DNAH14: variants seen among roughly 807,000 people sequenced by gnomAD.
DNAH14 encodes the protein dynein axonemal heavy chain 14.
A neutral mutation model predicts 520.9 loss-of-function variants in DNAH14; 478 were observed. The observed-to-expected ratio is 0.92, with a 90% CI of 0.85 to 0.99. DNAH14 has a LOEUF of 0.99. DNAH14 is among the 50% of genes least tolerant of loss of function. The pLI is 0.00. For synonymous variants in DNAH14, 1,581 were observed against 1,757.2 expected (o/e 0.90, Z 2.51); for missense variants, 4,831 against 5,234.5 (o/e 0.92, Z 2.38).
At chr1:225,164,202 G>A (rs1456310272) in intron 35 of DNAH14, among the ~76,000 whole-genome samples, 1 of 152,002 alleles carries the variant, frequency 6.6e-6, no homozygotes, top group African/African-American at 2.4e-5. Flanking sequence ...ATACTTTAAA[G>A]TTGTAAGTTA....
At chr1:225,251,176 A>T (rs1230512498) in intron 43 of DNAH14, among the ~76,000 whole-genome samples, 1 of 140,742 alleles carries the variant, frequency 7.1e-6, no homozygotes, top group South Asian at 2.4e-4. Flanking sequence ...AAAACTATAA[A>T]CTTTTTTTTT....
chr1:225,246,105 C>CAAAA (rs140007042), intron 43 of DNAH14, among the ~76,000 whole-genome samples: 24 of 77,714 alleles, frequency 3.1e-4, no homozygotes, highest in African/African-American at 1.1e-3. Flanking sequence ...ACAAACCTGG[C>CAAAA]AAAAAAAAAA....
At chr1:225,312,181 C>T (rs955108255) in intron 60 of DNAH14, among the ~76,000 whole-genome samples, 1 of 151,980 alleles carries the variant, frequency 6.6e-6, no homozygotes, top group Non-Finnish European at 1.5e-5. Flanking sequence ...AAGTTGTATT[C>T]CTAGGTATTT....
At chr1:225,112,675 CT>C (rs1293588025) in intron 23 of DNAH14, among the ~76,000 whole-genome samples, 4 of 151,694 alleles carry the variant, frequency 2.6e-5, no homozygotes, top group Non-Finnish European at 4.4e-5. Context: ...CTTTTTTATT[CT>C]TTTTTTCTGA....
intron 29 of DNAH14, among the ~76,000 whole-genome samples, chr1:225,144,964 A>C (rs1285065157): frequency 1.3e-5 from 2 of 152,082 alleles, no homozygotes; most frequent in Non-Finnish European, 2.9e-5. Flanking sequence ...AGACCGAAAG[A>C]GAGGGACAGA....
intron 36 of DNAH14, among the ~76,000 whole-genome samples, chr1:225,182,867 A>T (rs1004611939): frequency 2.0e-5 from 3 of 152,200 alleles, no homozygotes; most frequent in Non-Finnish European, 4.4e-5. Flanking sequence ...ATGGCTGACT[A>T]AAGTGGGCTC....
chr1:225,049,771 T>TA (rs2068345391), intron 15 of DNAH14, among the ~76,000 whole-genome samples: 2 of 115,914 alleles, frequency 1.7e-5, no homozygotes, highest in South Asian at 5.7e-4. Flanking sequence ...TCTATCTATC[T>TA]ACCTATCTAT....
intron 37 of DNAH14, among the ~76,000 whole-genome samples, chr1:225,192,338 A>T (rs914863014): frequency 7.2e-5 from 11 of 152,110 alleles, no homozygotes; most frequent in African/African-American, 2.7e-4. Context: ...TTCAGTGTCA[A>T]TTCTGACCTT....
intron 7 of DNAH14, 118 bp from the exon 8 acceptor site, chr1:224,973,973 C>A: frequency 1.9e-6 from 1 of 532,680 alleles, no homozygotes; most frequent in Non-Finnish European, 2.9e-6. Flanking sequence ...TTAGGTAACT[C>A]AGGATGAATG....
Position 225,050,377 on chromosome 1 carries a change from G to GT in DNAH14, c.2079+2dup, listed in dbSNP as rs766566291. ...AACAGATCCTGCCTACCAAAATATA[G>GT]TAAGTTTTAAAACAGTTCATTTTAG... On this transcript the variant is annotated splice_donor_variant, in intron 16 of 85. Transcript: ENST00000682510. LOFTEE classifies it high-confidence loss of function. 2 of 1,540,048 alleles carry GT rather than the reference G, an allele frequency of 1.3e-6. No individual in the cohort carries two copies. Among genetic ancestry groups the GT allele is most frequent in the African/African-American group, 2.8e-5 (2 of 72,440 alleles).
intron 12 of DNAH14, among the ~76,000 whole-genome samples, chr1:225,041,730 T>C (rs1386772367): frequency 2.1e-5 from 1 of 47,910 alleles, no homozygotes; most frequent in East Asian, 3.9e-4. Context: ...AAGAATGATT[T>C]AATGCAAAAT....
Position 225,080,411 on chromosome 1 carries a change from T to C in DNAH14, c.2799T>C (p.Thr933=). Residue 933 remains threonine (T), a synonymous_variant, in exon 19 of 86, where the codon ACT becomes ACC. Coordinates refer to ENST00000682510, the MANE Select transcript of DNAH14 (RefSeq NM_001367479.1). ...IRTPLLLCAG[T]QVSTAMEMIQ... ...CTCCTCTTCTGTTATGTGCTGGTAC[T>C]CAAGTGTCAACAGCAATGGAAATGA... is the stretch of plus-strand genomic sequence containing the variant. 6.5e-7 allele frequency: 1 copy of C among 1,548,396 alleles called. No homozygotes were observed. Among genetic ancestry groups the C allele is most frequent in the East Asian group, 2.4e-5 (1 of 40,908 alleles).
intron 71 of DNAH14, among the ~76,000 whole-genome samples, chr1:225,348,081 T>G (rs555867728): frequency 2.6e-5 from 4 of 151,826 alleles, no homozygotes; most frequent in Admixed American, 6.6e-5. Context: ...AAAACTGAAC[T>G]GAAAAATTAT....
chr1:225,379,555 TC>T (rs2095753441), intron 79 of DNAH14, among the ~76,000 whole-genome samples: 1 of 151,674 alleles, frequency 6.6e-6, no homozygotes. Flanking sequence ...TGAGATAGAG[TC>T]TCGCTCTGTC....
intron 73 of DNAH14, among the ~76,000 whole-genome samples, chr1:225,355,538 C>T (rs1227412020): frequency 6.6e-6 from 1 of 152,182 alleles, no homozygotes; most frequent in Non-Finnish European, 1.5e-5. Flanking sequence ...CCTAAGGCTC[C>T]ACCTCTTAAT....
intron 4 of DNAH14, among the ~76,000 whole-genome samples, chr1:224,960,810 C>A (rs954945202): frequency 6.6e-6 from 1 of 152,090 alleles, no homozygotes; most frequent in African/African-American, 2.4e-5. Context: ...CACCATGGTA[C>A]AGAGGTGGAT....
At chr1:225,044,562 G>A (rs1506074) in intron 15 of DNAH14, among the ~76,000 whole-genome samples, 2 of 152,020 alleles carry the variant, frequency 1.3e-5, no homozygotes, top group African/African-American at 4.8e-5. Flanking sequence ...TTTTGTTTAT[G>A]CAAGTCCCAG....
intron 81 of DNAH14, among the ~76,000 whole-genome samples, chr1:225,385,329 T>G (rs2095828515): frequency 6.6e-6 from 1 of 152,218 alleles, no homozygotes; most frequent in Admixed American, 6.5e-5. Flanking sequence ...AAGACAGGGA[T>G]GCCCTCTCTC....
At chr1:225,283,747 CAT>C (rs2093677049) in intron 54 of DNAH14, among the ~76,000 whole-genome samples, 2 of 152,092 alleles carry the variant, frequency 1.3e-5, no homozygotes, top group Non-Finnish European at 2.9e-5. Flanking sequence ...TTGAAGCAAA[CAT>C]GTAACATTCT....
Sources: gnomAD v4.1 joint callset for allele counts (sites outside exome capture counted in the v4.1 genomes callset) on GRCh38, gnomAD v4.1.1 for gene constraint, MANE v1.5 for transcripts, NCBI Gene and HGNC (gene_info 2026-07-23, HGNC 2026-07-21) for gene names.